Variants in NRBP1 observed in about 807,000 individuals in gnomAD.
The protein encoded by NRBP1 is nuclear receptor binding protein 1.
In NRBP1, 10 loss-of-function variants were observed where a neutral mutation model predicts 76.0. The ratio of observed to expected loss-of-function variants is 0.13; its 90% CI spans 0.08 to 0.22. The LOEUF (loss-of-function observed/expected upper bound fraction) is 0.22. NRBP1 is among the 10% of genes least tolerant of loss of function. The pLI, the probability that NRBP1 is intolerant of heterozygous loss-of-function variation, is 1.00. For synonymous variants in NRBP1, 235 were observed against 240.2 expected, an observed-to-expected ratio of 0.98 and a Z score of 0.20; for missense variants, 344 against 646.0, an observed-to-expected ratio of 0.53 and a Z score of 5.07.
rs1195581524 is a variant in NRBP1 at position 27,439,804 on chromosome 2, C to A, written c.942C>A (p.Arg314=). 2 of 1,614,134 alleles carry A rather than the reference C, an allele frequency of 1.2e-6. No homozygotes were observed. Among genetic ancestry groups the A allele is most frequent in the East Asian group, 2.2e-5 (1 of 44,882 alleles). The stretch of plus-strand genomic sequence containing the variant: ...AGTGCCTGCAGTCTGAGCCTGCTCG[C>A]AGACCAACAGCCAGAGAACTTCTGT... The part of the protein sequence containing the change: ...IQKCLQSEPA[R]RPTARELLFH... Residue 314 remains arginine (R), a synonymous_variant, in exon 11 of 18, where the codon CGC becomes CGA. Coordinates refer to ENST00000379852, the MANE Select transcript of NRBP1 (RefSeq NM_013392.4).
Position 27,434,890 on chromosome 2 carries a change from T to A in NRBP1, c.566+128T>A, listed in dbSNP as rs1038916945. Reference sequence around the variant, plus strand: ...TTCTTTGAATCATATACTGTCAAGATTAGGGCCCCTACGGGTCTTTTAAAG... The same window carrying A: ...TTCTTTGAATCATATACTGTCAAGAATAGGGCCCCTACGGGTCTTTTAAAG... On this transcript the variant is annotated intron_variant, in intron 6 of 17. Coordinates refer to ENST00000379852, the MANE Select transcript of NRBP1 (RefSeq NM_013392.4). The A allele has an allele frequency of 4.0e-6, 4 of 1,009,114 alleles. No individual in the cohort carries two copies. The Admixed American group carries it at 7.5e-5, about 19-fold the overall frequency. The allele number at this position is 1,009,114 out of a possible 1,614,324, so 62.5% of individuals were successfully genotyped here. A position where few individuals can be genotyped will look rare whatever the true frequency, so the allele number is the denominator to read the frequency against.
intron 1 of NRBP1, among the ~76,000 whole-genome samples, chr2:27,430,349 A>T (rs1175472078): frequency 6.6e-6 from 1 of 152,096 alleles, no homozygotes; most frequent in African/African-American, 2.4e-5. Context: ...GGCATCAGAG[A>T]GTTCTAAAAA....
intron 10 of NRBP1, among the ~76,000 whole-genome samples, chr2:27,439,559 C>A (rs1238738368): frequency 6.6e-6 from 1 of 151,010 alleles, no homozygotes; most frequent in East Asian, 1.9e-4. Flanking sequence ...ATAATTAAAA[C>A]CAGAAAGGCA....
intron 7 of NRBP1, chr2:27,435,591 T>C (rs1199648183): frequency 4.3e-6 from 3 of 704,732 alleles, no homozygotes; most frequent in Non-Finnish European, 7.9e-6. Flanking sequence ...TTGTATGCAG[T>C]GTACAACATT....
At position 27,428,738 on chromosome 2, in the gene NRBP1, G is replaced by C; in HGVS notation, c.-21+7G>C. 2.5e-6 allele frequency: 1 copy of C among 398,148 alleles called. No individual in the cohort carries two copies. The highest frequency in any genetic ancestry group is 4.4e-5 in the Admixed American group (1 of 22,724). The allele number at this position is 398,148 out of a possible 1,614,324, so 24.7% of individuals were successfully genotyped here. ...CGGGGCGCGGAGTCGGGAGGTGAGCGCCCAGGGAAAAGAGGGCCCGGGAGG... is the reference window on the plus strand; with the variant it reads ...CGGGGCGCGGAGTCGGGAGGTGAGCCCCCAGGGAAAAGAGGGCCCGGGAGG... On this transcript the variant is annotated splice_region_variant and intron_variant, in intron 1 of 17. Coordinates refer to ENST00000379852, the MANE Select transcript of NRBP1 (RefSeq NM_013392.4).
chr2:27,440,715 T>A lies in NRBP1; in HGVS notation c.1193+13T>A. 1.2e-6 allele frequency: 2 copies of A among 1,614,020 alleles called. No individual in the cohort carries two copies. Among genetic ancestry groups the A allele is most frequent in the Non-Finnish European group, 1.7e-6 (2 of 1,179,950 alleles). On this transcript the variant is annotated intron_variant, in intron 13 of 17. Coordinates refer to ENST00000379852, the MANE Select transcript of NRBP1 (RefSeq NM_013392.4). ...TTGAAGATGTCAGGTGAGAGCAGAG[T>A]GAGAAGCAGGCTTTCTTGAGGAAGC...
chr2:27,436,480 T>G, intron 7 of NRBP1: 1 of 423,876 alleles, frequency 2.4e-6, no homozygotes, highest in Non-Finnish European at 4.3e-6. Flanking sequence ...TAGACCAGCC[T>G]GAAGCCCCTG....
At chr2:27,433,943 AC>A in intron 3 of NRBP1, 45 bp from the exon 4 acceptor site, 1 of 1,550,622 alleles carries the variant, frequency 6.4e-7, no homozygotes, top group Non-Finnish European at 8.7e-7. Context: ...CAGGATTATT[AC>A]AGTGATTTGT....
In NRBP1 at chr2:27,433,028, C is replaced by T. The variant is rs942851419; in HGVS notation, c.-20-226C>T. Among the ~76,000 whole-genome samples the T allele has an allele frequency of 2.6e-5, 4 of 152,122 alleles. No individual in the cohort carries two copies. In the East Asian group the frequency reaches 7.7e-4, roughly 29 times the overall value. ...CTGAGTAGCTAGGACTACAGGCACGCGTCACCACACCCAGCTAATTTTGTA... is the reference window on the plus strand; with the variant it reads ...CTGAGTAGCTAGGACTACAGGCACGTGTCACCACACCCAGCTAATTTTGTA... On this transcript the variant is annotated intron_variant, in intron 1 of 17. Coordinates refer to ENST00000379852, the MANE Select transcript of NRBP1 (RefSeq NM_013392.4).
At chr2:27,437,451 AGAGCTAG>A in intron 10 of NRBP1, 91 bp downstream of exon 10, 2 of 893,242 alleles carry the variant, frequency 2.2e-6, no homozygotes, top group Non-Finnish European at 3.6e-6. Flanking sequence ...TATGCTCCTA[AGAGCTAG>A]GGAACATAAC....
At chr2:27,429,095 C>T in intron 1 of NRBP1, 1 of 162,088 alleles carries the variant, frequency 6.2e-6, no homozygotes, top group Non-Finnish European at 1.3e-5. Context: ...AGCTCGGCGG[C>T]CTGGCCTGGC....
chr2:27,435,108 C>T, intron 6 of NRBP1, 25 bp from the exon 7 acceptor site: 1 of 1,579,524 alleles, frequency 6.3e-7, no homozygotes, highest in Non-Finnish European at 8.7e-7. Flanking sequence ...CCAGTGGCCC[C>T]TCTAACAGCC....
chr2:27,433,208 T>C (rs1664170737), intron 1 of NRBP1, 46 bp from the exon 2 acceptor site: 1 of 1,371,926 alleles, frequency 7.3e-7, no homozygotes, highest in Admixed American at 1.7e-5. Context: ...AGATGTATCC[T>C]GACTTTCTCT....
rs1409131500 is a variant in NRBP1 at position 27,437,279 on chromosome 2, T to A, written c.822T>A (p.Ile274=). Residue 274 remains isoleucine (I), a synonymous_variant, in exon 10 of 18, where the codon ATT becomes ATA. Transcript: ENST00000379852. ...CACTGAAGATGGCAGTGCTGGAGATTCAGGGCAATGGAGAGTCCTCATATG... is the reference window on the plus strand; with the variant it reads ...CACTGAAGATGGCAGTGCTGGAGATACAGGGCAATGGAGAGTCCTCATATG... ...MCALEMAVLE[I]QGNGESSYVP... The A allele has an allele frequency of 6.2e-7, 1 of 1,613,782 alleles. No individual in the cohort carries two copies. The highest frequency in any genetic ancestry group is 1.7e-5 in the Admixed American group (1 of 59,976).
intron 1 of NRBP1, among the ~76,000 whole-genome samples, chr2:27,431,028 T>C (rs1664092020): frequency 6.6e-6 from 1 of 152,168 alleles, no homozygotes; most frequent in Non-Finnish European, 1.5e-5. Context: ...AGGCTGGGTG[T>C]GGTGGCTCAC....
intron 1 of NRBP1, chr2:27,429,501 C>T (rs1234962323): frequency 1.4e-5 from 2 of 147,880 alleles, no homozygotes; most frequent in Admixed American, 6.8e-5. Flanking sequence ...AGTGAACACA[C>T]TGCATGTCTC....
At chr2:27,428,472 C>G (rs1053603774), upstream of NRBP1, 4 of 393,324 alleles carry the variant, frequency 1.0e-5, no homozygotes, top group Non-Finnish European at 1.8e-5. Context: ...AGGTCTCGGC[C>G]GGACCGGCGC....
chr2:27,434,730 G>A lies in NRBP1; in HGVS notation c.534G>A (p.Lys178=). The A allele has an allele frequency of 6.2e-7, 1 of 1,614,184 alleles. No homozygotes were observed. The highest frequency in any genetic ancestry group is 8.5e-7 in the Non-Finnish European group (1 of 1,180,030). Residue 178 remains lysine (K), a synonymous_variant, in exon 6 of 18, where the codon AAG becomes AAA. Transcript: ENST00000379852. ...ATCCAACTTTGTTCCAGGCATGGAA[G>A]CGTTGGTGCACACAAATCCTCTCTG... is the stretch of plus-strand genomic sequence containing the variant. ...NHKTMNEKAW[K]RWCTQILSAL...
intron 8 of NRBP1, 99 bp downstream of exon 8, chr2:27,436,935 C>T (rs1664329235): frequency 6.9e-7 from 1 of 1,443,390 alleles, no homozygotes; most frequent in East Asian, 2.3e-5. Context: ...TCTAGGCCTT[C>T]TCTACCAGCA....
Sources: gnomAD v4.1 joint callset for allele counts (sites outside exome capture counted in the v4.1 genomes callset) on GRCh38, gnomAD v4.1.1 for gene constraint, MANE v1.5 for transcripts, NCBI Gene and HGNC (gene_info 2026-07-23, HGNC 2026-07-21) for gene names.